Variants in GRID2 observed in about 807,000 individuals in gnomAD.
GRID2 encodes glutamate receptor ionotropic, delta-2.
GRID2 carries 33 observed loss-of-function variants against 114.8 expected under a neutral mutation model. That is an observed-to-expected ratio of 0.29 (90% confidence interval 0.22 to 0.38). GRID2 has a LOEUF of 0.38. Among genes scored for constraint, GRID2 ranks in the 10% least tolerant of loss-of-function variants. The pLI is 1.00. For missense variants in GRID2, 1,184 were observed against 1,257.7 expected (o/e 0.94, Z 0.89); for synonymous variants, 505 against 449.9 (o/e 1.12, Z -1.55).
intron 2 of GRID2, among the ~76,000 whole-genome samples, chr4:92,678,993 T>G (rs1178804866): frequency 6.6e-6 from 1 of 150,530 alleles, no homozygotes; most frequent in Non-Finnish European, 1.5e-5. Flanking sequence ...TTTTTAATCC[T>G]CCCAGTATCT....
At chr4:93,394,526 T>C in intron 8 of GRID2, among the ~76,000 whole-genome samples, 1 of 151,866 alleles carries the variant, frequency 6.6e-6, no homozygotes, top group East Asian at 1.9e-4. Flanking sequence ...CCAGCCAGTA[T>C]GTAGATGACT....
chr4:92,339,951 A>G (rs897308318), intron 1 of GRID2, among the ~76,000 whole-genome samples: 2 of 152,206 alleles, frequency 1.3e-5, no homozygotes, highest in African/African-American at 2.4e-5. Flanking sequence ...TTGAAAACAC[A>G]TAACTGAGCT....
chr4:92,559,659 A>G (rs1382378956), intron 1 of GRID2, among the ~76,000 whole-genome samples: 2 of 152,212 alleles, frequency 1.3e-5, no homozygotes, highest in African/African-American at 2.4e-5. Flanking sequence ...GCTACTGTCT[A>G]TGCATAAACA....
chr4:92,991,936 G>A lies in GRID2; in HGVS notation c.245-93059G>A, dbSNP rs371115467. 7.2e-5 allele frequency among the ~76,000 whole-genome samples: 11 copies of A among 152,244 alleles called. No homozygotes were observed. The East Asian group carries it at 1.9e-3, about 27-fold the overall frequency. The stretch of plus-strand genomic sequence containing the variant: ...TTGAAGTTTTTTTAAATACAAAAAT[G>A]TATTTTCCAATACTTTATATCAACG... On this transcript the variant is annotated intron_variant, in intron 2 of 15. Transcript: ENST00000282020.
intron 2 of GRID2, among the ~76,000 whole-genome samples, chr4:92,601,532 A>C (rs1194922767): frequency 1.3e-5 from 2 of 152,202 alleles, no homozygotes; most frequent in Non-Finnish European, 2.9e-5. Context: ...TAGCTGAAGC[A>C]GTGTCAAGAG....
intron 1 of GRID2, among the ~76,000 whole-genome samples, chr4:92,561,392 A>G (rs558937562): frequency 1.3e-5 from 2 of 152,170 alleles, no homozygotes; most frequent in Non-Finnish European, 2.9e-5. Flanking sequence ...AAACCATCTC[A>G]TTACATTTAC....
intron 2 of GRID2, among the ~76,000 whole-genome samples, chr4:92,656,117 T>C (rs1248354604): frequency 6.6e-6 from 1 of 151,812 alleles, no homozygotes; most frequent in Non-Finnish European, 1.5e-5. Context: ...ACTTCCATAC[T>C]ATTTTTTATA....
chr4:93,590,462 G>A lies in GRID2; in HGVS notation c.2194-35807G>A, dbSNP rs375469152. On this transcript the variant is annotated intron_variant, in intron 13 of 15. Coordinates refer to ENST00000282020, the MANE Select transcript of GRID2 (RefSeq NM_001510.4). ...ATGCTGTTTTGGTTACTGTAGCCTTGTAGTATAGTTTGAAGTCAGGTAGTG... is the reference window on the plus strand; with the variant it reads ...ATGCTGTTTTGGTTACTGTAGCCTTATAGTATAGTTTGAAGTCAGGTAGTG... Among the ~76,000 whole-genome samples the A allele has an allele frequency of 1.2e-4, 18 of 149,868 alleles. No individual in the cohort carries two copies. In the East Asian group the frequency reaches 3.1e-3, roughly 26 times the overall value.
intron 1 of GRID2, among the ~76,000 whole-genome samples, chr4:92,520,599 T>C (rs906652897): frequency 6.6e-6 from 1 of 152,084 alleles, no homozygotes; most frequent in South Asian, 2.1e-4. Flanking sequence ...TCACAGGGAA[T>C]GGTATGCTAA....
At chr4:92,738,862 CATCTCT>C (rs899660609) in intron 2 of GRID2, among the ~76,000 whole-genome samples, 4 of 152,060 alleles carry the variant, frequency 2.6e-5, no homozygotes, top group Non-Finnish European at 4.4e-5. Context: ...TAATTGTTAA[CATCTCT>C]ATGTTGCCCA....
At chr4:93,194,999 T>A (rs890011057) in intron 4 of GRID2, among the ~76,000 whole-genome samples, 1 of 152,178 alleles carries the variant, frequency 6.6e-6, no homozygotes, top group East Asian at 1.9e-4. Flanking sequence ...TAAGGGTATA[T>A]TACAAGAAGA....
At chr4:93,352,657 G>A (rs1271766978) in intron 8 of GRID2, among the ~76,000 whole-genome samples, 1 of 151,986 alleles carries the variant, frequency 6.6e-6, no homozygotes, top group Admixed American at 6.6e-5. Flanking sequence ...ATGACAACTA[G>A]TTTTATGGCC....
intron 8 of GRID2, among the ~76,000 whole-genome samples, chr4:93,284,779 A>T (rs1561084642): frequency 1.4e-5 from 2 of 146,956 alleles, no homozygotes; most frequent in East Asian, 3.9e-4. Flanking sequence ...ATAACAATAC[A>T]GTTAGAATAA....
chr4:92,445,603 C>G (rs936480700), intron 1 of GRID2, among the ~76,000 whole-genome samples: 2 of 152,078 alleles, frequency 1.3e-5, no homozygotes, highest in African/African-American at 4.8e-5. Context: ...TAAGGTGCTA[C>G]CCTTGAATCC....
In GRID2 at chr4:92,361,257, C is replaced by T. The variant is rs145062307; in HGVS notation, c.88+56513C>T. ...CTTAACAAATACTTTATTTAACCTT[C>T]GCAGGTAAGTCATTCTACATGTTCC... On this transcript the variant is annotated intron_variant, in intron 1 of 15. Coordinates refer to ENST00000282020, the MANE Select transcript of GRID2 (RefSeq NM_001510.4). 3.9e-3 allele frequency among the ~76,000 whole-genome samples: 597 copies of T among 151,992 alleles called. 5 individuals are homozygous for T. Among genetic ancestry groups the T allele is most frequent in the African/African-American group, 0.013 (552 of 41,486 alleles).
At chr4:92,594,589 T>G (rs534000821) in intron 2 of GRID2, among the ~76,000 whole-genome samples, 1 of 152,020 alleles carries the variant, frequency 6.6e-6, no homozygotes, top group African/African-American at 2.4e-5. Flanking sequence ...TAAACAGATA[T>G]AGGGTATCCA....
intron 8 of GRID2, among the ~76,000 whole-genome samples, chr4:93,258,320 A>G (rs559960255): frequency 1.3e-5 from 2 of 151,696 alleles, no homozygotes; most frequent in Non-Finnish European, 1.5e-5. Flanking sequence ...TAGCAAAGAT[A>G]TTTAAGTTTG....
intron 4 of GRID2, among the ~76,000 whole-genome samples, chr4:93,198,865 A>G (rs558256995): frequency 6.6e-6 from 1 of 152,252 alleles, no homozygotes; most frequent in East Asian, 1.9e-4. Context: ...AGATAGCAAG[A>G]AAGCCTTAGT....
chr4:93,343,161 TGTGTGTGTGTG>T (rs1396772100), intron 8 of GRID2, among the ~76,000 whole-genome samples: 138 of 151,940 alleles, frequency 9.1e-4, no homozygotes, highest in African/African-American at 3.1e-3. Flanking sequence ...TGTGTGTGTG[TGTGTGTGTGTG>T]TGTGTGTGTA....
Sources: allele counts gnomAD v4.1 joint callset (sites outside exome capture counted in the v4.1 genomes callset), GRCh38; gene constraint gnomAD v4.1.1; transcripts MANE v1.5; gene names NCBI Gene and HGNC (gene_info 2026-07-23, HGNC 2026-07-21).